METTL27: variants seen among roughly 807,000 people sequenced by gnomAD.
The protein encoded by METTL27 is methyltransferase-like protein 27.
Under a neutral mutation model 24.5 loss-of-function variants are expected in METTL27, and 29 were observed. That is an observed-to-expected ratio of 1.18 (90% confidence interval 0.88 to 1.61). METTL27 has a LOEUF of 1.61. Among genes scored for constraint, METTL27 ranks in the 40% most tolerant of loss-of-function variants. METTL27 has a pLI of 0.00. For missense variants in METTL27, 341 were observed against 324.3 expected (o/e 1.05, Z -0.40); for synonymous variants, 138 against 146.8 (o/e 0.94, Z 0.43).
rs573300287 is a variant in METTL27, at chr7:73,840,475, G to A, written c.327C>T (p.Pro109=). The A allele has an allele frequency of 3.7e-5, 59 of 1,608,386 alleles. No individual in the cohort carries two copies. The highest frequency in any genetic ancestry group is 3.7e-4 in the South Asian group (33 of 90,396). ...AGAGGCTGAGGCGCTGATAGAGGCCGGGGGCCTGGGCCTGTTCCAGCATCC... is the reference window on the plus strand; with the variant it reads ...AGAGGCTGAGGCGCTGATAGAGGCCAGGGGCCTGGGCCTGTTCCAGCATCC... ...SPGMLEQAQA[P]GLYQRLSLCT... Residue 109 remains proline (P), a synonymous_variant, in exon 4 of 6, where the codon CCC becomes CCT. Transcript: ENST00000297873.
chr7:73,840,929 A>G, intron 3 of METTL27, 141 bp downstream of exon 3: 1 of 1,295,278 alleles, frequency 7.7e-7, no homozygotes, highest in South Asian at 1.9e-5. Context: ...CCATAGTGTG[A>G]GCCACAGTAT....
intron 3 of METTL27, 83 bp downstream of exon 3, chr7:73,840,987 G>A (rs1265832308): frequency 3.6e-6 from 5 of 1,390,016 alleles, no homozygotes; most frequent in African/African-American, 1.5e-5. Flanking sequence ...GAGGTGTGGG[G>A]CAGGGTTCTG....
intron 5 of METTL27, among the ~76,000 whole-genome samples, chr7:73,835,861 C>T (rs1442696942): frequency 3.1e-4 from 41 of 130,788 alleles, no homozygotes; most frequent in African/African-American, 8.4e-4. Flanking sequence ...GCCTCTGCCC[C>T]GCCGCCCCGT....
intron 5 of METTL27, 138 bp from the exon 6 acceptor site, chr7:73,835,140 T>A: frequency 2.3e-6 from 3 of 1,287,836 alleles, no homozygotes; most frequent in Non-Finnish European, 3.0e-6. Context: ...TCCCTCTCCC[T>A]CTCCCTCTCC....
Position 73,836,776 on chromosome 7 carries a change from G to A in METTL27, c.479-1774C>T, listed in dbSNP as rs1425348405. On this transcript the variant is annotated intron_variant, in intron 5 of 5. Transcript: ENST00000297873. ...TCTGCCCGGCCACCACCCCGTCTGG[G>A]AGGTGTGCCCAACAGCTCATTGAGA... Among the ~76,000 whole-genome samples the A allele has an allele frequency of 1.1e-4, 9 of 82,048 alleles. 3 individuals carry two copies. The highest frequency in any genetic ancestry group is 5.2e-4 in the Admixed American group (5 of 9,590). 53.8% of individuals were successfully genotyped at this position (82,048 alleles called of 152,430 possible).
At chr7:73,836,261 C>A (rs1788191091) in intron 5 of METTL27, among the ~76,000 whole-genome samples, 1 of 123,632 alleles carries the variant, frequency 8.1e-6, no homozygotes. Flanking sequence ...CCAGCCGCCC[C>A]GTCCAGGAGG....
chr7:73,837,311 A>T (rs1370494918), intron 5 of METTL27, among the ~76,000 whole-genome samples: 1 of 75,910 alleles, frequency 1.3e-5, no homozygotes, highest in Non-Finnish European at 3.4e-5. Flanking sequence ...ATAAATTTAA[A>T]AAAAATAAAA....
chr7:73,841,207 A>G lies in METTL27; in HGVS notation c.124-9T>C, dbSNP rs545183129. 1.3e-6 allele frequency: 2 copies of G among 1,557,438 alleles called. No individual in the cohort carries two copies. The highest frequency in any genetic ancestry group is 1.4e-5 in the African/African-American group (1 of 70,650). Reference sequence around the variant, plus strand: ...AGCAGGGTGGCCACATCCTGGGGAAAGAGTGCCGGGCCTACAACACCGGTG... The same window carrying G: ...AGCAGGGTGGCCACATCCTGGGGAAGGAGTGCCGGGCCTACAACACCGGTG... On this transcript the variant is annotated splice_polypyrimidine_tract_variant and intron_variant, in intron 2 of 5. Transcript: ENST00000297873.
chr7:73,838,336 G>C (rs953564908), intron 5 of METTL27, among the ~76,000 whole-genome samples: 1 of 152,206 alleles, frequency 6.6e-6, no homozygotes, highest in Non-Finnish European at 1.5e-5. Context: ...CTGGCACAGA[G>C]AGGATGATTA....
rs369711229 is a variant in METTL27 at position 73,834,873 on chromosome 7, C to A, written c.608G>T (p.Arg203Leu). 8 of 1,614,108 alleles carry A rather than the reference C, an allele frequency of 5.0e-6. No homozygotes were observed. The East Asian group carries it at 1.6e-4, about 31-fold the overall frequency. ...WEGLVAWPVD[R>L]LWTAGSWLPP... The stretch of plus-strand genomic sequence containing the variant: ...TAGCCAGCTCCCAGCGGTCCACAGG[C>A]GGTCCACAGGCCAGGCCACCAGGCC... The change falls in exon 6 of 6, where the codon CGC (arginine) becomes CTC (leucine). Residue 203 changes from arginine (R) to leucine (L), a missense_variant. Arg to Leu is a moderately radical substitution (Grantham distance 102). Coordinates refer to ENST00000297873, the MANE Select transcript of METTL27 (RefSeq NM_152559.3).
chr7:73,840,720 G>A (rs551704249), intron 3 of METTL27, among the ~76,000 whole-genome samples, 171 bp from the exon 4 acceptor site: 11 of 152,220 alleles, frequency 7.2e-5, no homozygotes, highest in African/African-American at 2.2e-4. Flanking sequence ...GTGCAGTGGC[G>A]TGATCATAGC....
Position 73,834,666 on chromosome 7 carries a change from G to T in METTL27, c.*77C>A. Reference sequence around the variant, plus strand: ...TTCGGAGGTCCCATTTTACAGGGGAGGCAGAGGAGGCCCAGCAGATGGGCC... The same window carrying T: ...TTCGGAGGTCCCATTTTACAGGGGATGCAGAGGAGGCCCAGCAGATGGGCC... On this transcript the variant is annotated 3_prime_UTR_variant, in exon 6 of 6. Transcript: ENST00000297873. 1.5e-6 allele frequency: 2 copies of T among 1,344,764 alleles called. No individual in the cohort carries two copies. The highest frequency in any genetic ancestry group is 1.4e-5 in the African/African-American group (1 of 69,406). The allele number at this position is 1,344,764 out of a possible 1,614,324, so 83.3% of individuals were successfully genotyped here.
At chr7:73,839,155 C>A (rs1193944590) in intron 5 of METTL27, among the ~76,000 whole-genome samples, 1 of 152,174 alleles carries the variant, frequency 6.6e-6, no homozygotes, top group Non-Finnish European at 1.5e-5. Flanking sequence ...TGGTGGTGGG[C>A]TCCTGTAATC....
intron 4 of METTL27, 123 bp downstream of exon 4, chr7:73,840,291 G>C (rs1413533840): frequency 6.7e-7 from 1 of 1,492,430 alleles, no homozygotes; most frequent in Non-Finnish European, 9.0e-7. Context: ...GCTGCAGTCA[G>C]ATCGTGGGGT....
rs2130559813 is a variant in METTL27, at chr7:73,841,077, G to A, written c.245C>T (p.Ala82Val). Residue 82 changes from alanine to valine, a missense_variant, in exon 3 of 6, where the codon GCT (alanine) becomes GTT (valine). Ala to Val is a moderately conservative substitution (Grantham distance 64, BLOSUM62 0). Coordinates refer to ENST00000297873, the MANE Select transcript of METTL27 (RefSeq NM_152559.3). ...LDVACGTGLV[A>V]AELRAPGFLQ... is the part of the protein sequence containing the mutation. ...GATCTGGAAGAGCCTCACCTCGGCAGCCACTAGGCCTGTGCCACAGGCCAC... is the reference window on the plus strand; with the variant it reads ...GATCTGGAAGAGCCTCACCTCGGCAACCACTAGGCCTGTGCCACAGGCCAC... 1 of 1,493,742 alleles carries A rather than the reference G, an allele frequency of 6.7e-7. No individual in the cohort carries two copies. Among genetic ancestry groups the A allele is most frequent in the East Asian group, 2.7e-5 (1 of 37,588 alleles). 92.5% of individuals were successfully genotyped at this position (1,493,742 alleles called of 1,614,324 possible). A position where few individuals can be genotyped will look rare whatever the true frequency, so the allele number is the denominator to read the frequency against.
intron 5 of METTL27, among the ~76,000 whole-genome samples, chr7:73,835,966 C>A (rs1731064614): frequency 6.7e-6 from 1 of 148,616 alleles, no homozygotes; most frequent in African/African-American, 2.5e-5. Context: ...GTGAGGAGCC[C>A]CTCCGCCTGG....
At chr7:73,841,277 T>G (rs1788348135) in intron 2 of METTL27, 79 bp from the exon 3 acceptor site, 13 of 1,503,600 alleles carry the variant, frequency 8.6e-6, no homozygotes, top group South Asian at 1.4e-5. Context: ...TCTCAGAGTC[T>G]GCCAGGCTAA....
chr7:73,835,674 A>C, intron 5 of METTL27, among the ~76,000 whole-genome samples: 3 of 97,222 alleles, frequency 3.1e-5, no homozygotes, highest in African/African-American at 1.2e-4. Context: ...CTGGCCGCCC[A>C]TCATCTGGGA....
In METTL27 at chr7:73,840,416, T is replaced by G. The variant is rs182367694; in HGVS notation, c.386A>C (p.Glu129Ala). The G allele has an allele frequency of 5.1e-6, 8 of 1,573,830 alleles. No individual in the cohort carries two copies. In the Admixed American group the frequency reaches 5.6e-5, roughly 11 times the overall value. Reference sequence around the variant, plus strand: ...TGTGGAGGTGGGAGAGAAAGTACCTTCCGGGCTGGGCAGAGGCTCCTGGCC... The same window carrying G: ...TGTGGAGGTGGGAGAGAAAGTACCTGCCGGGCTGGGCAGAGGCTCCTGGCC... ...TLGQEPLPSP[E>A]GTFDAVLIVG... is the part of the protein sequence containing the mutation. Residue 129 changes from glutamate to alanine, a missense_variant and splice_region_variant, in exon 4 of 6, where the codon GAA (glutamate) becomes GCA (alanine). Transcript: ENST00000297873.
Sources: gnomAD v4.1 joint callset for allele counts (sites outside exome capture counted in the v4.1 genomes callset) on GRCh38, gnomAD v4.1.1 for gene constraint, MANE v1.5 for transcripts, NCBI Gene and HGNC (gene_info 2026-07-23, HGNC 2026-07-21) for gene names.